The following PDE10A variants were observed in gnomAD, a reference collection of about 807,000 sequenced individuals.
PDE10A encodes the protein phosphodiesterase 10A.
Under a neutral mutation model 97.7 loss-of-function variants are expected in PDE10A, and 39 were observed. The observed-to-expected ratio is 0.40, with a 90% CI of 0.31 to 0.52. PDE10A has a LOEUF of 0.52. Among genes scored for constraint, PDE10A ranks in the 20% least tolerant of loss-of-function variants. The pLI is 0.56. For synonymous variants in PDE10A, 371 were observed against 376.8 expected (o/e 0.98, Z 0.18); for missense variants, 731 against 1,047.8 (o/e 0.70, Z 4.17).
chr6:165,373,654 AT>A (rs1784414500), intron 18 of PDE10A, among the ~76,000 whole-genome samples: 1 of 152,164 alleles, frequency 6.6e-6, no homozygotes, highest in African/African-American at 2.4e-5. Flanking sequence ...TAGTTCAACC[AT>A]TGTGGAAGTC....
At chr6:165,603,983 T>C (rs1346749920) in intron 1 of PDE10A, among the ~76,000 whole-genome samples, 2 of 152,194 alleles carry the variant, frequency 1.3e-5, no homozygotes, top group African/African-American at 4.8e-5. Context: ...ACCATGCTCC[T>C]TCTAGGACAC....
intron 1 of PDE10A, among the ~76,000 whole-genome samples, chr6:165,694,391 C>T (rs985575753): frequency 3.9e-5 from 6 of 152,218 alleles, no homozygotes; most frequent in Non-Finnish European, 8.8e-5. Context: ...GCACAGCCAG[C>T]AACAGTGAGA....
At chr6:165,407,771 T>C (rs986370201) in intron 13 of PDE10A, among the ~76,000 whole-genome samples, 2 of 152,232 alleles carry the variant, frequency 1.3e-5, no homozygotes, top group African/African-American at 4.8e-5. Context: ...GATACTACTG[T>C]CCTATTAGCT....
At chr6:165,859,099 G>C (rs1000418649) in intron 1 of PDE10A, among the ~76,000 whole-genome samples, 2 of 152,142 alleles carry the variant, frequency 1.3e-5, no homozygotes, top group African/African-American at 4.8e-5. Context: ...CTGGACACAA[G>C]ATTTTCATTC....
In PDE10A at chr6:165,857,258, G is replaced by A. The variant is rs1780762059; in HGVS notation, c.-615+130271C>T. Among the ~76,000 whole-genome samples, 3 of 152,132 alleles carry A rather than the reference G, an allele frequency of 2.0e-5. No individual in the cohort carries two copies. The South Asian group carries it at 6.2e-4, about 32-fold the overall frequency. ...TCTCAGTCGGCTAAGTATGCATATT[G>A]GCCAGAGAGTTTTGACCCGGACCTG... On this transcript the variant is annotated intron_variant, in intron 1 of 19. Transcript: ENST00000366882.
intron 1 of PDE10A, among the ~76,000 whole-genome samples, chr6:165,613,980 C>T (rs1035633395): frequency 1.3e-5 from 2 of 152,182 alleles, no homozygotes; most frequent in African/African-American, 4.8e-5. Context: ...CACCTGCCCA[C>T]ACCCAAAACT....
chr6:165,358,273 G>GT (rs1783162260), intron 18 of PDE10A, among the ~76,000 whole-genome samples: 1 of 152,004 alleles, frequency 6.6e-6, no homozygotes, highest in African/African-American at 2.4e-5. Flanking sequence ...TAGTTCTTCT[G>GT]TAAGTTACTT....
At chr6:165,508,886 C>T (rs977495587) in intron 2 of PDE10A, among the ~76,000 whole-genome samples, 17 of 152,146 alleles carry the variant, frequency 1.1e-4, no homozygotes, top group African/African-American at 3.9e-4. Flanking sequence ...TCTCAAAACA[C>T]TTCCATCCTC....
chr6:165,922,424 C>T (rs1782782988), intron 1 of PDE10A, among the ~76,000 whole-genome samples: 1 of 152,152 alleles, frequency 6.6e-6, no homozygotes, highest in Non-Finnish European at 1.5e-5. Context: ...GCAGATGGCT[C>T]TTGCTGGTGC....
rs190809583 is a variant in PDE10A, at chr6:165,829,550, C to T, written c.-615+157979G>A. Among the ~76,000 whole-genome samples, 364 of 152,336 alleles carry T rather than the reference C, an allele frequency of 2.4e-3. 1 individual carries two copies. Among genetic ancestry groups the T allele is most frequent in the African/African-American group, 8.1e-3 (336 of 41,570 alleles). ...AGGAGCATGCTTCGCCATCAGGAAC[C>T]GGGCAGGTGAAATGTGGTGCCTAAA... is the stretch of plus-strand genomic sequence containing the variant. On this transcript the variant is annotated intron_variant, in intron 1 of 19. Coordinates refer to the PDE10A transcript ENST00000366882.
At chr6:165,719,249 G>A (rs1038689794) in intron 1 of PDE10A, among the ~76,000 whole-genome samples, 126 of 152,272 alleles carry the variant, frequency 8.3e-4, no homozygotes, top group African/African-American at 2.9e-3. Context: ...ATGTTCAATG[G>A]CACAGCACAC....
In PDE10A at chr6:165,329,038, T is replaced by C. The variant is rs1781199431; in HGVS notation, c.*3987A>G. ...TTAAAAATCAGATGAATACTTGCAG[T>C]AGAAGAGATCCACTATAGTGACTAA... On this transcript the variant is annotated 3_prime_UTR_variant, in exon 22 of 22. Transcript: ENST00000539869. 6.6e-6 allele frequency: 1 copy of C among 152,234 alleles called. No homozygotes were observed. The allele number at this position is 152,234 out of a possible 1,614,324, so 9.4% of individuals were successfully genotyped here.
chr6:165,558,958 AT>A (rs553942443), intron 1 of PDE10A, among the ~76,000 whole-genome samples: 229 of 150,762 alleles, frequency 1.5e-3, no homozygotes, highest in African/African-American at 5.1e-3. Context: ...TAATAAAAAA[AT>A]ATAAATAAAT....
Position 165,363,407 on chromosome 6 carries a change from C to T in PDE10A, c.2783+15787G>A, listed in dbSNP as rs940473696. 4.6e-5 allele frequency among the ~76,000 whole-genome samples: 7 copies of T among 151,684 alleles called. No individual in the cohort carries two copies. In the East Asian group the frequency reaches 7.7e-4, roughly 17 times the overall value. ...GCAGGTGCCTGTAATCCCAGCTACT[C>T]GGGAGGCTGAGGCAGGAGAATTGCT... On this transcript the variant is annotated intron_variant, in intron 18 of 21. Transcript: ENST00000539869.
chr6:165,757,838 A>G (rs1793152959), intron 1 of PDE10A, among the ~76,000 whole-genome samples: 1 of 152,188 alleles, frequency 6.6e-6, no homozygotes, highest in Non-Finnish European at 1.5e-5. Context: ...TTTTATGTTT[A>G]TTAGAATGAT....
intron 1 of PDE10A, among the ~76,000 whole-genome samples, chr6:165,578,845 G>A (rs761146748): frequency 2.0e-5 from 3 of 152,140 alleles, no homozygotes; most frequent in African/African-American, 4.8e-5. Context: ...AGGGAAGACC[G>A]ACCACAAACA....
In PDE10A at chr6:165,819,801, C is replaced by T. The variant is rs2128468926; in HGVS notation, c.-615+167728G>A. On this transcript the variant is annotated intron_variant, in intron 1 of 19. Coordinates refer to the PDE10A transcript ENST00000366882. The surrounding 1 kb of genome is among the most constrained non-coding windows in gnomAD (Gnocchi z 4.2). ...ACAGTGCCTGCCACACAGTGGGTCT[C>T]AAGAAAGCTTTCCTTAAATGAATAC... is the stretch of plus-strand genomic sequence containing the variant. Among the ~76,000 whole-genome samples, 1 of 152,278 alleles carries T rather than the reference C, an allele frequency of 6.6e-6. No homozygotes were observed. Among genetic ancestry groups the T allele is most frequent in the African/African-American group, 2.4e-5 (1 of 41,522 alleles).
intron 1 of PDE10A, among the ~76,000 whole-genome samples, chr6:165,847,446 C>A (rs1459698837): frequency 3.3e-5 from 5 of 152,274 alleles, no homozygotes; most frequent in Admixed American, 1.3e-4. Flanking sequence ...AACGCTTCCA[C>A]GGCCAAAGTG....
At chr6:165,797,418 TC>T (rs1443248812) in intron 1 of PDE10A, among the ~76,000 whole-genome samples, 2 of 152,220 alleles carry the variant, frequency 1.3e-5, no homozygotes, top group Non-Finnish European at 2.9e-5. Flanking sequence ...GTGGATTTTT[TC>T]ATAATAAAAA....
Sources: gnomAD v4.1 joint callset for allele counts (sites outside exome capture counted in the v4.1 genomes callset) on GRCh38, gnomAD v4.1.1 for gene constraint, Gnocchi (gnomAD v3.1) non-coding constraint, MANE v1.5 for transcripts, NCBI Gene and HGNC (gene_info 2026-07-23, HGNC 2026-07-21) for gene names.